The following BIN2 variants were observed in gnomAD, a reference collection of about 807,000 sequenced individuals.
BIN2 encodes breast cancer associated protein BRAP1.
In BIN2, 43 loss-of-function variants were observed where a neutral mutation model predicts 67.9. The observed-to-expected ratio is 0.63, with a 90% CI of 0.50 to 0.82. BIN2 has a LOEUF of 0.82. Among genes scored for constraint, BIN2 ranks in the 40% least tolerant of loss-of-function variants. BIN2 has a pLI of 0.00. For missense variants in BIN2, 581 were observed against 671.6 expected, an observed-to-expected ratio of 0.87 and a Z score of 1.49; for synonymous variants, 244 against 246.8, an observed-to-expected ratio of 0.99 and a Z score of 0.11.
At chr12:51,305,065 G>A (rs999210294) in intron 2 of BIN2, among the ~76,000 whole-genome samples, 14 of 145,706 alleles carry the variant, frequency 9.6e-5, no homozygotes, top group East Asian at 2.1e-4. Flanking sequence ...GGCCAGGCAC[G>A]GTGGCTCACG....
In BIN2 at chr12:51,318,910, T is replaced by C. The variant is rs866709624; in HGVS notation, c.82-5007A>G. ...AATGCTTATATTTTTGGTTTGGCCA[T>C]ATCTGTTTGGTTTGGCCATATCTGT... On this transcript the variant is annotated intron_variant, in intron 1 of 12. Coordinates refer to ENST00000615107, the MANE Select transcript of BIN2 (RefSeq NM_016293.4). 9.2e-5 allele frequency among the ~76,000 whole-genome samples: 13 copies of C among 141,542 alleles called. No individual in the cohort carries two copies. The Middle Eastern group carries it at 0.012, about 128-fold the overall frequency. The allele number at this position is 141,542 out of a possible 152,430, so 92.9% of individuals were successfully genotyped here. A position where few individuals can be genotyped will look rare whatever the true frequency, so the allele number is the denominator to read the frequency against.
At chr12:51,314,025 T>C (rs761647640) in intron 1 of BIN2, 122 bp from the exon 2 acceptor site, 3 of 120,778 alleles carry the variant, frequency 2.5e-5, no homozygotes, top group Non-Finnish European at 4.8e-5. Flanking sequence ...TACTTATTTA[T>C]TTATTTATTT....
intron 2 of BIN2, among the ~76,000 whole-genome samples, chr12:51,303,923 T>C (rs1396303486): frequency 1.3e-5 from 2 of 152,244 alleles, no homozygotes; most frequent in African/African-American, 4.8e-5. Context: ...CCTGAGACAG[T>C]ATCACTTGAT....
intron 11 of BIN2, 135 bp from the exon 12 acceptor site, chr12:51,284,922 G>C: frequency 1.6e-6 from 1 of 633,840 alleles, no homozygotes; most frequent in Non-Finnish European, 2.8e-6. Context: ...ATACAGTGTT[G>C]TTTCACCAGA....
At chr12:51,290,070 A>AT (rs1052387606) in intron 10 of BIN2, among the ~76,000 whole-genome samples, 6 of 151,132 alleles carry the variant, frequency 4.0e-5, no homozygotes, top group Non-Finnish European at 7.4e-5. Flanking sequence ...TTTTGAATTT[A>AT]TTATTTATTT....
At chr12:51,321,020 G>T (rs539514923) in intron 1 of BIN2, among the ~76,000 whole-genome samples, 3 of 150,962 alleles carry the variant, frequency 2.0e-5, no homozygotes, top group Admixed American at 6.6e-5. Context: ...GCGGGAAATG[G>T]AAAACAGACC....
rs572509971 is a variant in BIN2 at position 51,314,919 on chromosome 12, C to T, written c.82-1016G>A. ...CCTGGCTGTAGTACAGTGGTGCAATCACAACTTACTACAGCCTCAACCTCT... is the reference window on the plus strand; with the variant it reads ...CCTGGCTGTAGTACAGTGGTGCAATTACAACTTACTACAGCCTCAACCTCT... On this transcript the variant is annotated intron_variant, in intron 1 of 12. Transcript: ENST00000615107. Among the ~76,000 whole-genome samples the T allele has an allele frequency of 2.0e-5, 3 of 152,168 alleles. No homozygotes were observed. In the East Asian group the frequency reaches 5.8e-4, roughly 29 times the overall value.
At chr12:51,297,295 A>G (rs770931032) in intron 7 of BIN2, 131 bp from the exon 8 acceptor site, 118 of 797,432 alleles carry the variant, frequency 1.5e-4, no homozygotes, top group Middle Eastern at 4.6e-4. Context: ...CCCGCTGGGC[A>G]CAGTGGCTCA....
At chr12:51,285,730 T>C (rs1037173569) in intron 11 of BIN2, among the ~76,000 whole-genome samples, 1 of 151,668 alleles carries the variant, frequency 6.6e-6, no homozygotes, top group African/African-American at 2.4e-5. Context: ...TTCAAGCGAT[T>C]CTCCTGCCTC....
rs751175113 is a variant in BIN2 at position 51,324,076 on chromosome 12, C to G, written c.27G>C (p.Ala9=). ...GCACCTGCTTGGCGAAGAGGCCGGCCGCGCCGCCTGCCTTGCCCTCTGCCA... is the reference window on the plus strand; with the variant it reads ...GCACCTGCTTGGCGAAGAGGCCGGCGGCGCCGCCTGCCTTGCCCTCTGCCA... MAEGKAGG[A]AGLFAKQVQK... The change falls in exon 1 of 13, where the codon GCG becomes GCC. Residue 9 remains alanine, a synonymous_variant. Transcript: ENST00000615107. 1.2e-6 allele frequency: 2 copies of G among 1,613,460 alleles called. No homozygotes were observed. The highest frequency in any genetic ancestry group is 1.7e-4 in the Middle Eastern group (1 of 6,048).
intron 2 of BIN2, among the ~76,000 whole-genome samples, chr12:51,308,849 T>C (rs1393040380): frequency 6.6e-6 from 1 of 152,104 alleles, no homozygotes; most frequent in Non-Finnish European, 1.5e-5. Flanking sequence ...CTGGGTGCAG[T>C]GGCTCATGCC....
At chr12:51,295,758 A>G in intron 9 of BIN2, 38 bp downstream of exon 9, 1 of 1,565,998 alleles carries the variant, frequency 6.4e-7, no homozygotes, top group Middle Eastern at 2.2e-4. Context: ...ATTCACACAC[A>G]GGACAAGCGA....
intron 2 of BIN2, among the ~76,000 whole-genome samples, chr12:51,305,649 G>A (rs1184326886): frequency 5.3e-5 from 8 of 151,078 alleles, no homozygotes; most frequent in Non-Finnish European, 1.0e-4. Context: ...GAGAAAAAAA[G>A]GAAAATTCAG....
chr12:51,324,174 T>G lies in BIN2; in HGVS notation c.-72A>C. On this transcript the variant is annotated 5_prime_UTR_variant, in exon 1 of 13. Coordinates refer to ENST00000615107, the MANE Select transcript of BIN2 (RefSeq NM_016293.4). ...TTTTCTGAGGCCCCCGAGGAGGAAG[T>G]GCGGGCTCCCGGCATGCCTCGCATC... is the stretch of plus-strand genomic sequence containing the variant. 1.3e-6 allele frequency: 2 copies of G among 1,585,856 alleles called. No homozygotes were observed. The highest frequency in any genetic ancestry group is 8.6e-7 in the Non-Finnish European group (1 of 1,168,492).
intron 1 of BIN2, among the ~76,000 whole-genome samples, chr12:51,321,362 G>A (rs1015054140): frequency 2.6e-5 from 4 of 151,648 alleles, no homozygotes; most frequent in African/African-American, 9.7e-5. Flanking sequence ...AGATGACATC[G>A]GTAGAATGTT....
intron 6 of BIN2, 142 bp downstream of exon 6, chr12:51,299,465 C>A: frequency 1.0e-6 from 1 of 975,906 alleles, no homozygotes; most frequent in South Asian, 1.4e-5. Context: ...GCATCAGTGT[C>A]AGAAGAAACA....
At chr12:51,281,787 C>T (rs1196760179) in intron 12 of BIN2, among the ~76,000 whole-genome samples, 3 of 151,996 alleles carry the variant, frequency 2.0e-5, no homozygotes, top group Admixed American at 2.0e-4. Context: ...CATAGTCTTG[C>T]TCTGTCTCCC....
In BIN2 at chr12:51,303,121, G is replaced by T. The variant is rs1313949194; in HGVS notation, c.183C>A (p.Tyr61Ter). 1 of 1,614,042 alleles carries T rather than the reference G, an allele frequency of 6.2e-7. No homozygotes were observed. The highest frequency in any genetic ancestry group is 8.5e-7 in the Non-Finnish European group (1 of 1,179,984). ...YQQQAEGHKL[Y>*]KDLKNFLSAV... ...CACTAAGGAAGTTCTTCAGGTCCTTGTACAGCTTGTGGCCTTCTGCCTGAA... is the reference window on the plus strand; with the variant it reads ...CACTAAGGAAGTTCTTCAGGTCCTTTTACAGCTTGTGGCCTTCTGCCTGAA... Residue 61 changes from tyrosine to a stop codon, truncating the protein, a stop_gained, in exon 3 of 13, where the codon TAC becomes TAA. Coordinates refer to ENST00000615107, the MANE Select transcript of BIN2 (RefSeq NM_016293.4). LOFTEE classifies it high-confidence loss of function.
intron 2 of BIN2, among the ~76,000 whole-genome samples, chr12:51,307,704 C>T (rs1244978421): frequency 2.7e-5 from 4 of 150,144 alleles, no homozygotes; most frequent in Non-Finnish European, 4.4e-5. Flanking sequence ...GAGAGAAACT[C>T]CGTCTCAAAA....
Sources: allele counts gnomAD v4.1 joint callset (sites outside exome capture counted in the v4.1 genomes callset), GRCh38; gene constraint gnomAD v4.1.1; transcripts MANE v1.5; gene names NCBI Gene and HGNC (gene_info 2026-07-23, HGNC 2026-07-21).